BDH1: variants seen among roughly 807,000 people sequenced by gnomAD.
The protein encoded by BDH1 is D-beta-hydroxybutyrate dehydrogenase, mitochondrial.
BDH1 carries 30 observed loss-of-function variants against 33.1 expected under a neutral mutation model. That is an observed-to-expected ratio of 0.91 (90% CI 0.68 to 1.23). The LOEUF (loss-of-function observed/expected upper bound fraction) is 1.23. Ranked by LOEUF, BDH1 falls within the 50% of genes most tolerant of loss-of-function variation. The pLI is 0.00. For missense variants in BDH1, 443 were observed against 464.4 expected (o/e 0.95, Z 0.42); for synonymous variants, 190 against 183.6 (o/e 1.03, Z -0.28).
chr3:197,513,805 T>C (rs1712372957), intron 7 of BDH1, among the ~76,000 whole-genome samples: 1 of 152,200 alleles, frequency 6.6e-6, no homozygotes, highest in African/African-American at 2.4e-5. Flanking sequence ...ATGGTTTGGG[T>C]GTTTTGTTGG....
chr3:197,556,279 C>T (rs1717033269), upstream of BDH1, among the ~76,000 whole-genome samples: 1 of 152,234 alleles, frequency 6.6e-6, no homozygotes, highest in African/African-American at 2.4e-5. Context: ...GAGGAAAACT[C>T]CGGTGAGGAA....
chr3:197,522,792 G>A lies in BDH1; in HGVS notation c.268-11C>T. The A allele has an allele frequency of 6.2e-7, 1 of 1,612,956 alleles. No individual in the cohort carries two copies. The highest frequency in any genetic ancestry group is 2.2e-5 in the East Asian group (1 of 44,824). ...ATCATGGCCTTTGTCCTGGGGAGGA[G>A]AGAAGAGCTGCTTCTACCTCCTTCC... is the stretch of plus-strand genomic sequence containing the variant. On this transcript the variant is annotated splice_polypyrimidine_tract_variant and intron_variant, in intron 5 of 7. Transcript: ENST00000392379. This position sits in a 1 kb window ranked among gnomAD's most constrained non-coding sequence, Gnocchi z 4.8.
chr3:197,560,709 G>C (rs993575793), upstream of BDH1, among the ~76,000 whole-genome samples: 5 of 152,190 alleles, frequency 3.3e-5, no homozygotes, highest in African/African-American at 1.2e-4. Context: ...AGGTGTGAAA[G>C]GAAAATATCT....
intron 3 of BDH1, among the ~76,000 whole-genome samples, chr3:197,545,329 C>T (rs1174750665): frequency 1.3e-5 from 2 of 152,166 alleles, no homozygotes; most frequent in African/African-American, 2.4e-5. Flanking sequence ...ATCACACAAA[C>T]GATGCGGTGA....
intron 3 of BDH1, among the ~76,000 whole-genome samples, chr3:197,543,845 A>T (rs1715864574): frequency 6.6e-6 from 1 of 152,192 alleles, no homozygotes; most frequent in Non-Finnish European, 1.5e-5. Flanking sequence ...GAGGTGGCAC[A>T]GTGCCCCTGG....
At chr3:197,532,833 A>G (rs1332876792) in intron 4 of BDH1, among the ~76,000 whole-genome samples, 2 of 152,248 alleles carry the variant, frequency 1.3e-5, no homozygotes, top group African/African-American at 4.8e-5. Flanking sequence ...AGCTAGTGAT[A>G]GAGCTGGAAC....
chr3:197,546,317 C>T (rs1211227137), intron 3 of BDH1, 44 bp downstream of exon 3: 3 of 1,597,436 alleles, frequency 1.9e-6, no homozygotes, highest in Non-Finnish European at 2.6e-6. Flanking sequence ...TCTGCCTGCT[C>T]AGAAAGTGTC....
intron 6 of BDH1, among the ~76,000 whole-genome samples, chr3:197,519,830 T>C (rs1313490320): frequency 9.2e-5 from 14 of 151,992 alleles, no homozygotes; most frequent in Non-Finnish European, 1.8e-4. Context: ...TCCCTCAGCG[T>C]CCTGCGGGGG....
chr3:197,553,395 C>G (rs112517553), intron 2 of BDH1, among the ~76,000 whole-genome samples: 19,874 of 150,306 alleles, frequency 0.13, 1,472 homozygotes, highest in African/African-American at 0.17. Context: ...TGGGTGTGGT[C>G]GCTCGCGCCT....
chr3:197,540,622 T>C (rs923173617), intron 3 of BDH1, among the ~76,000 whole-genome samples: 2 of 152,050 alleles, frequency 1.3e-5, no homozygotes, highest in African/African-American at 4.8e-5. Context: ...TGAGCCAAGA[T>C]TGTGCCACTG....
intron 7 of BDH1, among the ~76,000 whole-genome samples, chr3:197,512,650 C>A (rs1274969743): frequency 6.6e-6 from 1 of 152,218 alleles, no homozygotes; most frequent in Non-Finnish European, 1.5e-5. Context: ...CCAGATCAAG[C>A]CCGATGCGGT....
chr3:197,532,313 G>A, intron 5 of BDH1, 99 bp downstream of exon 5: 3 of 981,866 alleles, frequency 3.1e-6, no homozygotes, highest in African/African-American at 1.6e-5. Context: ...GCTGGTTTAA[G>A]CAAAGGTGAG....
rs1712069794 is a variant in BDH1, at chr3:197,511,949, C to T, written c.978G>A (p.Met326Ile). The change falls in exon 8 of 8, where the codon ATG (methionine) becomes ATA (isoleucine). Residue 326 changes from methionine to isoleucine, a missense_variant. Physicochemically the swap from Met to Ile is conservative, Grantham distance 10. Transcript: ENST00000392379. ...HPMDYYWWLR[M>I]QIMTHLPGAI... ...CTCCAGGCAAGTGGGTCATGATCTGCATTCGCAGCCACCAGTAGTAGTCCA... is the reference window on the plus strand; with the variant it reads ...CTCCAGGCAAGTGGGTCATGATCTGTATTCGCAGCCACCAGTAGTAGTCCA... 6.3e-7 allele frequency: 1 copy of T among 1,594,548 alleles called. No homozygotes were observed. The highest frequency in any genetic ancestry group is 8.6e-7 in the Non-Finnish European group (1 of 1,168,758).
Position 197,546,432 on chromosome 3 carries a change from G to A in BDH1, c.12C>T (p.Thr4=), listed in dbSNP as rs937647443. The change falls in exon 3 of 8, where the codon ACC becomes ACT. Residue 4 remains threonine (T), a synonymous_variant. Transcript: ENST00000392379. MLA[T]RLSRPLSRLP... is the part of the protein sequence containing the mutation. ...GCCGTGACAGGGGTCTGGAGAGGCG[G>A]GTGGCCAGCATGGTAGCAACGGGTG... The A allele has an allele frequency of 6.2e-7, 1 of 1,614,092 alleles. No individual in the cohort carries two copies. Among genetic ancestry groups the A allele is most frequent in the Non-Finnish European group, 8.5e-7 (1 of 1,179,994 alleles).
intron 6 of BDH1, among the ~76,000 whole-genome samples, chr3:197,519,300 A>G (rs1017694800): frequency 6.6e-6 from 1 of 151,794 alleles, no homozygotes; most frequent in Non-Finnish European, 1.5e-5. Flanking sequence ...GCACTCTCCC[A>G]CTTCACAGAT....
At chr3:197,565,794 A>G (rs1172147388) in intron 1 of BDH1, among the ~76,000 whole-genome samples, 4 of 152,180 alleles carry the variant, frequency 2.6e-5, no homozygotes, top group African/African-American at 7.2e-5. Flanking sequence ...TTTTATAATC[A>G]ACTATAGAAC....
rs549795852 is a variant in BDH1, at chr3:197,550,464, G to C, written c.-43-3978C>G. 1.6e-4 allele frequency among the ~76,000 whole-genome samples: 24 copies of C among 152,296 alleles called. 2 individuals are homozygous for C. In the South Asian group the frequency reaches 5.0e-3, roughly 32 times the overall value. On this transcript the variant is annotated intron_variant, in intron 2 of 7. Transcript: ENST00000392379. ...CCTGATGTCCCCTCCTCTCAGACCTGCCCCTCCCTCATAGGATTTGGCCTC... is the reference window on the plus strand; with the variant it reads ...CCTGATGTCCCCTCCTCTCAGACCTCCCCCTCCCTCATAGGATTTGGCCTC...
rs147519480 is a variant in BDH1, at chr3:197,516,499, C to T, written c.410-2083G>A. ...TCAGCCAATGTTCTGAATAAACTCA[C>T]GGAGGCATGCCCGCTGGTTGGGTGA... On this transcript the variant is annotated intron_variant, in intron 6 of 7. Transcript: ENST00000392379. This position sits in a 1 kb window ranked among gnomAD's most constrained non-coding sequence, Gnocchi z 4.2. 1.3e-5 allele frequency among the ~76,000 whole-genome samples: 2 copies of T among 152,246 alleles called. No individual in the cohort carries two copies. The highest frequency in any genetic ancestry group is 2.4e-5 in the African/African-American group (1 of 41,530).
At chr3:197,563,333 A>G (rs551224066) in intron 1 of BDH1, among the ~76,000 whole-genome samples, 10 of 152,372 alleles carry the variant, frequency 6.6e-5, no homozygotes, top group African/African-American at 1.9e-4. Flanking sequence ...ATTAGCTGAC[A>G]AGAAGAAAAA....
Sources: gnomAD v4.1 joint callset for allele counts (sites outside exome capture counted in the v4.1 genomes callset) on GRCh38, gnomAD v4.1.1 for gene constraint, Gnocchi (gnomAD v3.1) non-coding constraint, MANE v1.5 for transcripts, NCBI Gene and HGNC (gene_info 2026-07-23, HGNC 2026-07-21) for gene names.